Variants in SVOP observed in about 807,000 individuals in gnomAD.
The protein encoded by SVOP is synaptic vesicle 2-related protein.
A neutral mutation model predicts 69.1 loss-of-function variants in SVOP; 17 were observed. The observed-to-expected ratio is 0.25, with a 90% CI of 0.17 to 0.37. The LOEUF is 0.37. SVOP is among the 10% of genes least tolerant of loss of function. The pLI, the probability that SVOP is intolerant of heterozygous loss-of-function variation, is 1.00. For synonymous variants in SVOP, 238 were observed against 238.6 expected (o/e 1.00, Z 0.02); for missense variants, 435 against 597.5 (o/e 0.73, Z 2.84).
chr12:108,915,928 C>G, intron 14 of SVOP, 56 bp from the exon 15 acceptor site: 1 of 1,479,246 alleles, frequency 6.8e-7, no homozygotes, highest in Admixed American at 2.2e-5. Context: ...TCCCACCACT[C>G]CAGCTCCAAG....
At chr12:108,972,311 C>G in intron 5 of SVOP, 94 bp downstream of exon 5, 3 of 1,235,398 alleles carry the variant, frequency 2.4e-6, no homozygotes, top group Non-Finnish European at 3.4e-6. Flanking sequence ...TATTAGGCCT[C>G]CCAACTGCTA....
In SVOP at chr12:108,909,144, A is replaced by T. The variant is rs1477292406; in HGVS notation, c.*3391T>A. On this transcript the variant is annotated 3_prime_UTR_variant, in exon 16 of 16. Transcript: ENST00000610966. ...GATGGTGAAAAGAAAAGGCAAAAAG[A>T]AGCTGGGTTCTTGATAACATTGTTG... 6.6e-6 allele frequency: 1 copy of T among 152,236 alleles called. No individual in the cohort carries two copies. Among genetic ancestry groups the T allele is most frequent in the Non-Finnish European group, 1.5e-5 (1 of 68,052 alleles). The allele number at this position is 152,236 out of a possible 1,614,324, so 9.4% of individuals were successfully genotyped here.
rs997419729 is a variant in SVOP at position 108,910,743 on chromosome 12, C to A, written c.*1792G>T. 1 of 152,176 alleles carries A rather than the reference C, an allele frequency of 6.6e-6. No homozygotes were observed. The highest frequency in any genetic ancestry group is 2.4e-5 in the African/African-American group (1 of 41,432). 9.4% of individuals were successfully genotyped at this position (152,176 alleles called of 1,614,324 possible). ...GCTCAGCCACAATGTTGGCTGCCAA[C>A]GGTATGTCTTTCCCCACTCATTGGA... On this transcript the variant is annotated 3_prime_UTR_variant, in exon 16 of 16. Coordinates refer to ENST00000610966, the MANE Select transcript of SVOP (RefSeq NM_018711.5).
At position 108,961,064 on chromosome 12, in the gene SVOP, C is replaced by T. The variant is rs781481603; in HGVS notation, c.454-17G>A. On this transcript the variant is annotated splice_polypyrimidine_tract_variant and intron_variant, in intron 5 of 15. Transcript: ENST00000610966. Reference sequence around the variant, plus strand: ...CTTCAGCCCCTGAAGAGAAGGAAGACACGGAATCACAAGGGCTTTTCAGCA... The same window carrying T: ...CTTCAGCCCCTGAAGAGAAGGAAGATACGGAATCACAAGGGCTTTTCAGCA... The T allele has an allele frequency of 5.9e-6, 9 of 1,532,248 alleles. No individual in the cohort carries two copies. In the African/African-American group the frequency reaches 9.6e-5, roughly 16 times the overall value. 94.9% of individuals were successfully genotyped at this position (1,532,248 alleles called of 1,614,324 possible). A position where few individuals can be genotyped will look rare whatever the true frequency, so the allele number is the denominator to read the frequency against.
At chr12:108,959,438 C>A (rs1321423281) in intron 6 of SVOP, among the ~76,000 whole-genome samples, 1 of 148,740 alleles carries the variant, frequency 6.7e-6, no homozygotes, top group Non-Finnish European at 1.5e-5. Context: ...ACTGCAACCT[C>A]TGCCTCCCAG....
intron 1 of SVOP, among the ~76,000 whole-genome samples, chr12:108,997,446 G>A (rs2040241856): frequency 6.6e-6 from 1 of 151,924 alleles, no homozygotes; most frequent in Admixed American, 6.6e-5. Context: ...GCTCGAACTG[G>A]GTGGAGCCCA....
At chr12:108,949,366 G>T (rs2039942556) in intron 6 of SVOP, among the ~76,000 whole-genome samples, 1 of 151,880 alleles carries the variant, frequency 6.6e-6, no homozygotes, top group Non-Finnish European at 1.5e-5. Context: ...TGCCTCCCAG[G>T]TTCAAGTGAT....
intron 2 of SVOP, among the ~76,000 whole-genome samples, chr12:108,982,996 T>C (rs1477545266): frequency 6.7e-6 from 1 of 148,736 alleles, no homozygotes; most frequent in Non-Finnish European, 1.5e-5. Context: ...ACCATCATTA[T>C]CATTGTCACC....
intron 14 of SVOP, 143 bp from the exon 15 acceptor site, chr12:108,916,015 G>A (rs1257295032): frequency 2.7e-6 from 2 of 738,078 alleles, no homozygotes; most frequent in South Asian, 2.1e-5. Flanking sequence ...TTAAGGGACA[G>A]GGATCCTCAC....
chr12:109,000,022 G>GA (rs1172990192), intron 1 of SVOP, among the ~76,000 whole-genome samples: 1 of 151,342 alleles, frequency 6.6e-6, no homozygotes, highest in African/African-American at 2.4e-5. Flanking sequence ...ATGAATCCAG[G>GA]AGCTGGTTTT....
chr12:108,939,896 G>T (rs963503917), intron 8 of SVOP, among the ~76,000 whole-genome samples: 8 of 152,168 alleles, frequency 5.3e-5, no homozygotes, highest in East Asian at 1.9e-4. Flanking sequence ...CAAGTCTGTT[G>T]TCTGTATGTA....
At chr12:108,940,986 A>G in intron 7 of SVOP, 77 bp from the exon 8 acceptor site, 1 of 1,492,536 alleles carries the variant, frequency 6.7e-7, no homozygotes, top group Non-Finnish European at 8.9e-7. Context: ...CATTGTGGAC[A>G]AGGGTATCTC....
At chr12:108,957,363 T>C (rs2039991420) in intron 6 of SVOP, among the ~76,000 whole-genome samples, 1 of 152,098 alleles carries the variant, frequency 6.6e-6, no homozygotes, top group Non-Finnish European at 1.5e-5. Context: ...GGGATTTCAC[T>C]GTGTCGGCCA....
chr12:109,018,105 GATGA>G (rs3059703), intron 1 of SVOP, among the ~76,000 whole-genome samples: 1 of 110,638 alleles, frequency 9.0e-6, no homozygotes, highest in Admixed American at 8.2e-5. Context: ...AGAATGGATG[GATGA>G]ATGAATGAAT....
chr12:109,009,322 C>G (rs140302690), intron 1 of SVOP, among the ~76,000 whole-genome samples: 1 of 152,104 alleles, frequency 6.6e-6, no homozygotes, highest in Non-Finnish European at 1.5e-5. Context: ...GGGACCCTCT[C>G]TGTGTCAGAT....
chr12:108,983,775 CA>C lies in SVOP; in HGVS notation c.36-15del. 5.0e-6 allele frequency: 2 copies of C among 398,782 alleles called. No homozygotes were observed. The highest frequency in any genetic ancestry group is 1.3e-3 in the Middle Eastern group (2 of 1,590). 24.7% of individuals were successfully genotyped at this position (398,782 alleles called of 1,614,324 possible). A position where few individuals can be genotyped will look rare whatever the true frequency, so the allele number is the denominator to read the frequency against. On this transcript the variant is annotated splice_polypyrimidine_tract_variant and intron_variant, in intron 1 of 15. Coordinates refer to ENST00000610966, the MANE Select transcript of SVOP (RefSeq NM_018711.5). ...AATTTCACAACCCTAGAGAACAGAA[CA>C]AATCTGGTCAAGATGGCTAAAGCTT...
At chr12:108,951,387 A>G (rs2039952850) in intron 6 of SVOP, among the ~76,000 whole-genome samples, 1 of 152,232 alleles carries the variant, frequency 6.6e-6, no homozygotes. Context: ...GTGGAGAGAC[A>G]CGGGGCAATA....
chr12:108,995,076 T>A (rs893473340), intron 1 of SVOP, among the ~76,000 whole-genome samples: 1 of 151,222 alleles, frequency 6.6e-6, no homozygotes, highest in Non-Finnish European at 1.5e-5. Flanking sequence ...GCCTGGGAGG[T>A]CAAAGCTGCA....
At chr12:108,917,898 G>A (rs891963766) in intron 14 of SVOP, 145 bp downstream of exon 14, 7 of 542,996 alleles carry the variant, frequency 1.3e-5, no homozygotes, top group Non-Finnish European at 2.2e-5. Flanking sequence ...CTCCTGCCTC[G>A]GCCTCCCAAA....
Sources: gnomAD v4.1 joint callset for allele counts (sites outside exome capture counted in the v4.1 genomes callset) on GRCh38, gnomAD v4.1.1 for gene constraint, MANE v1.5 for transcripts, NCBI Gene and HGNC (gene_info 2026-07-23, HGNC 2026-07-21) for gene names.